The following CELF4 variants were observed in gnomAD, a reference collection of about 807,000 sequenced individuals.
CELF4 encodes the protein CUGBP Elav-like family member 4, also known as CUG-BP- and ETR-3-like factor 4.
In CELF4, 18 loss-of-function variants were observed where a neutral mutation model predicts 59.9. That is an observed-to-expected ratio of 0.30 (90% CI 0.21 to 0.45). CELF4 has a LOEUF of 0.45. Ranked by LOEUF, CELF4 falls within the 20% of genes least tolerant of loss-of-function variation. The pLI is 1.00. For synonymous variants in CELF4, 261 were observed against 267.1 expected, an observed-to-expected ratio of 0.98 and a Z score of 0.22; for missense variants, 456 against 689.0, an observed-to-expected ratio of 0.66 and a Z score of 3.79.
chr18:37,264,653 G>A, intron 10 of CELF4, 21 bp downstream of exon 10: 1 of 1,557,758 alleles, frequency 6.4e-7, no homozygotes, highest in Non-Finnish European at 8.7e-7. Flanking sequence ...GAGGGGCCCA[G>A]GAGCTGGCCT....
intron 1 of CELF4, among the ~76,000 whole-genome samples, chr18:37,505,510 G>A (rs1287695973): frequency 7.2e-5 from 11 of 152,132 alleles, no homozygotes; most frequent in African/African-American, 1.9e-4. Context: ...CCGAAACGTC[G>A]GTGGGTCAGG....
At chr18:37,300,326 G>A (rs2095932029) in intron 3 of CELF4, among the ~76,000 whole-genome samples, 1 of 152,010 alleles carries the variant, frequency 6.6e-6, no homozygotes, top group Admixed American at 6.6e-5. Flanking sequence ...CCAGGCTCAA[G>A]CGATTCTCCT....
In CELF4 at chr18:37,283,539, C is replaced by A. The variant is rs141078501; in HGVS notation, c.449-8296G>T. On this transcript the variant is annotated intron_variant, in intron 3 of 12. Transcript: ENST00000420428. ...AATCGCCGGGCATGTAGTAGATGCTCAATAAATACATGTTGCCATGAATAA... is the reference window on the plus strand; with the variant it reads ...AATCGCCGGGCATGTAGTAGATGCTAAATAAATACATGTTGCCATGAATAA... 2.6e-3 allele frequency among the ~76,000 whole-genome samples: 396 copies of A among 152,254 alleles called. 1 individual carries two copies. The highest frequency in any genetic ancestry group is 9.2e-3 in the African/African-American group (382 of 41,530).
At chr18:37,350,487 G>A (rs917835983) in intron 2 of CELF4, among the ~76,000 whole-genome samples, 18 of 152,246 alleles carry the variant, frequency 1.2e-4, no homozygotes, top group Admixed American at 3.3e-4. Context: ...CTGTCTACCA[G>A]TTTCTAAAGG....
chr18:37,271,780 A>C (rs1304750575), intron 7 of CELF4, among the ~76,000 whole-genome samples: 2 of 152,174 alleles, frequency 1.3e-5, no homozygotes, highest in Non-Finnish European at 2.9e-5. Context: ...GGCCTCCTCC[A>C]CTTGAAGCAA....
intron 3 of CELF4, among the ~76,000 whole-genome samples, chr18:37,292,788 A>G (rs1034819833): frequency 4.6e-5 from 7 of 152,218 alleles, no homozygotes; most frequent in Non-Finnish European, 7.3e-5. Context: ...TGATTTTGCA[A>G]TGTGCACCGT....
At chr18:37,402,748 C>T (rs567761764) in intron 2 of CELF4, among the ~76,000 whole-genome samples, 2 of 152,344 alleles carry the variant, frequency 1.3e-5, no homozygotes, top group East Asian at 3.9e-4. Flanking sequence ...CCCACCTTGT[C>T]CACACCTAGC....
chr18:37,525,669 T>A (rs1603643412), intron 1 of CELF4, among the ~76,000 whole-genome samples: 2 of 152,168 alleles, frequency 1.3e-5, no homozygotes, highest in African/African-American at 2.4e-5. Context: ...GGCTGATGGG[T>A]CTACAGTATT....
intron 2 of CELF4, among the ~76,000 whole-genome samples, chr18:37,472,289 CG>C (rs1194928965): frequency 6.6e-6 from 1 of 152,152 alleles, no homozygotes; most frequent in East Asian, 1.9e-4. Context: ...TTCCATTCAG[CG>C]TGGTAGGGTT....
At chr18:37,389,291 C>G (rs1363680938) in intron 2 of CELF4, among the ~76,000 whole-genome samples, 1 of 152,170 alleles carries the variant, frequency 6.6e-6, no homozygotes, top group Admixed American at 6.5e-5. Context: ...CTGGGCCTCC[C>G]TAGATCAGAT....
intron 2 of CELF4, among the ~76,000 whole-genome samples, chr18:37,347,422 C>T (rs572168434): frequency 9.9e-5 from 15 of 152,214 alleles, no homozygotes; most frequent in African/African-American, 3.4e-4. Context: ...TTTGCAGGCC[C>T]ATCCCCCACC....
At chr18:37,327,096 G>A (rs1394891261) in intron 2 of CELF4, among the ~76,000 whole-genome samples, 1 of 152,118 alleles carries the variant, frequency 6.6e-6, no homozygotes, top group African/African-American at 2.4e-5. Flanking sequence ...TCTGGAAGGG[G>A]AGGCCTGTGG....
At chr18:37,454,989 A>G (rs2099774267) in intron 2 of CELF4, among the ~76,000 whole-genome samples, 1 of 152,102 alleles carries the variant, frequency 6.6e-6, no homozygotes, top group African/African-American at 2.4e-5. Flanking sequence ...GTCCCATCCC[A>G]TCTCCCTAGT....
intron 2 of CELF4, among the ~76,000 whole-genome samples, chr18:37,325,818 T>G (rs1050921483): frequency 2.0e-5 from 3 of 152,220 alleles, no homozygotes; most frequent in Non-Finnish European, 4.4e-5. Flanking sequence ...GGGGTCATTT[T>G]CCATGTGCCA....
intron 8 of CELF4, among the ~76,000 whole-genome samples, chr18:37,270,523 C>G (rs2090649443): frequency 6.6e-6 from 1 of 152,200 alleles, no homozygotes; most frequent in South Asian, 2.1e-4. Flanking sequence ...AAGGGAGCAC[C>G]TGGAATGGGG....
chr18:37,460,497 C>T (rs1603641740), intron 2 of CELF4, among the ~76,000 whole-genome samples: 1 of 152,288 alleles, frequency 6.6e-6, no homozygotes, highest in East Asian at 1.9e-4. Context: ...GCTTGTGGAA[C>T]ACAGAATGGT....
chr18:37,423,062 G>GTGCACACA (rs1557422702), intron 2 of CELF4, among the ~76,000 whole-genome samples: 1 of 27,678 alleles, frequency 3.6e-5, no homozygotes, highest in Non-Finnish European at 1.7e-4. Flanking sequence ...ATGCGCGCGC[G>GTGCACACA]CGCACACACA....
chr18:37,253,956 A>T lies in CELF4; in HGVS notation c.1334-18T>A, dbSNP rs777620123. On this transcript the variant is annotated intron_variant, in intron 11 of 12. Coordinates refer to ENST00000420428, the MANE Select transcript of CELF4 (RefSeq NM_020180.4). The surrounding 1 kb of genome is among the most constrained non-coding windows in gnomAD (Gnocchi z 4.5). ...CACGAAGCCTGGCGAGACACGAGGG[A>T]CGAGGGCCTGGGTTTCCACGGGGCC... 5.2e-6 allele frequency: 8 copies of T among 1,543,530 alleles called. No individual in the cohort carries two copies. Among genetic ancestry groups the T allele is most frequent in the Non-Finnish European group, 7.0e-6 (8 of 1,139,470 alleles).
chr18:37,550,800 G>A (rs920232889), intron 1 of CELF4, among the ~76,000 whole-genome samples: 2 of 152,230 alleles, frequency 1.3e-5, no homozygotes, highest in South Asian at 4.1e-4. Flanking sequence ...GGCCTGGCCT[G>A]TGCCAGAAAA....
Sources: allele counts gnomAD v4.1 joint callset (sites outside exome capture counted in the v4.1 genomes callset), GRCh38; gene constraint gnomAD v4.1.1; non-coding constraint Gnocchi (gnomAD v3.1); transcripts MANE v1.5; gene names NCBI Gene and HGNC (gene_info 2026-07-23, HGNC 2026-07-21).